Variants in TNNI3K observed in about 807,000 individuals in gnomAD.
TNNI3K encodes the protein serine/threonine-protein kinase TNNI3K.
Under a neutral mutation model 114.5 loss-of-function variants are expected in TNNI3K, and 140 were observed. The observed-to-expected ratio is 1.22, with a 90% CI of 1.07 to 1.41. The LOEUF (loss-of-function observed/expected upper bound fraction) is 1.41. Ranked by LOEUF, TNNI3K falls within the 40% of genes most tolerant of loss-of-function variation. TNNI3K has a pLI of 0.00. For synonymous variants in TNNI3K, 347 were observed against 347.5 expected (o/e 1.00, Z 0.02); for missense variants, 1,125 against 1,007.6 (o/e 1.12, Z -1.58).
At chr1:74,461,419 G>T (rs1015445124) in intron 20 of TNNI3K, among the ~76,000 whole-genome samples, 15 of 150,956 alleles carry the variant, frequency 9.9e-5, no homozygotes, top group Admixed American at 9.2e-4. Context: ...GGCAGAGGCT[G>T]CAGTGAGCCC....
intron 5 of TNNI3K, among the ~76,000 whole-genome samples, chr1:74,295,928 T>G (rs747915282): frequency 3.9e-5 from 6 of 152,164 alleles, no homozygotes; most frequent in Non-Finnish European, 7.4e-5. Flanking sequence ...AGTTAAGTAT[T>G]TTTACTGGTC....
intron 20 of TNNI3K, among the ~76,000 whole-genome samples, chr1:74,451,690 T>TTCTTTTCTTTTCTTTTCTTTTC (rs1553148016): frequency 5.1e-5 from 2 of 39,158 alleles, no homozygotes; most frequent in South Asian, 1.1e-3. Context: ...TTCTTTTCTT[T>TTCTTTTCTTTTCTTTTCTTTTC]CTTTCTTTCT....
At chr1:74,249,656 C>A in intron 3 of TNNI3K, 112 bp downstream of exon 3, 1 of 1,048,604 alleles carries the variant, frequency 9.5e-7, no homozygotes, top group Non-Finnish European at 1.3e-6. Context: ...ATTTTCCCTT[C>A]TGCTTTGCCT....
intron 23 of TNNI3K, among the ~76,000 whole-genome samples, chr1:74,532,229 C>A (rs573743354): frequency 3.9e-4 from 60 of 152,228 alleles, no homozygotes; most frequent in African/African-American, 1.4e-3. Flanking sequence ...AAGGTAACAG[C>A]AAGCAATTGT....
At chr1:74,452,343 A>G (rs274596) in intron 20 of TNNI3K, among the ~76,000 whole-genome samples, 15,050 of 152,182 alleles carry the variant, frequency 0.099, 972 homozygotes, top group African/African-American at 0.19. Flanking sequence ...AGTGTAATAC[A>G]AGGTCAAGGC....
intron 20 of TNNI3K, among the ~76,000 whole-genome samples, chr1:74,451,704 TTTCTTTC>T (rs1557575167): frequency 3.6e-3 from 264 of 72,524 alleles, no homozygotes; most frequent in Non-Finnish European, 5.7e-3. Context: ...TCTTTCTTTC[TTTCTTTC>T]TTTCTTTCTT....
At chr1:74,504,775 G>A in intron 23 of TNNI3K, among the ~76,000 whole-genome samples, 1 of 152,052 alleles carries the variant, frequency 6.6e-6, no homozygotes, top group East Asian at 1.9e-4. Context: ...TGGCTATTCT[G>A]ATGCTGTAAT....
intron 4 of TNNI3K, among the ~76,000 whole-genome samples, chr1:74,258,784 C>G (rs1655487832): frequency 6.6e-6 from 1 of 152,130 alleles, no homozygotes; most frequent in African/African-American, 2.4e-5. Context: ...CCTGTTCAAC[C>G]CTAATGGTTT....
At chr1:74,414,732 A>T (rs1665038388) in intron 17 of TNNI3K, among the ~76,000 whole-genome samples, 1 of 152,184 alleles carries the variant, frequency 6.6e-6, no homozygotes, top group Non-Finnish European at 1.5e-5. Context: ...AAATTCTGTC[A>T]ACTCTCTTGA....
intron 23 of TNNI3K, among the ~76,000 whole-genome samples, chr1:74,525,878 A>C (rs1317876564): frequency 6.6e-6 from 1 of 152,208 alleles, no homozygotes; most frequent in African/African-American, 2.4e-5. Flanking sequence ...AAGAACCCCC[A>C]CATTACTGGC....
At chr1:74,512,156 T>C (rs34250428) in intron 23 of TNNI3K, among the ~76,000 whole-genome samples, 41 of 152,312 alleles carry the variant, frequency 2.7e-4, no homozygotes, top group Non-Finnish European at 5.0e-4. Flanking sequence ...CCCTGGGGCA[T>C]GACTCGAACC....
chr1:74,439,326 G>A (rs1666271354), intron 19 of TNNI3K, 164 bp from the exon 20 acceptor site: 1 of 1,101,498 alleles, frequency 9.1e-7, no homozygotes, highest in Non-Finnish European at 1.2e-6. Context: ...GTATAAACAT[G>A]TTTATTGCAC....
At chr1:74,464,767 G>T in intron 21 of TNNI3K, 2 of 1,552,096 alleles carry the variant, frequency 1.3e-6, no homozygotes, top group South Asian at 1.2e-5. Flanking sequence ...CATTCAACCT[G>T]ATGTGTTACA....
chr1:74,438,657 TC>T (rs1011583135), intron 19 of TNNI3K, among the ~76,000 whole-genome samples: 2 of 152,062 alleles, frequency 1.3e-5, no homozygotes, highest in African/African-American at 4.8e-5. Flanking sequence ...TAACTCTAAA[TC>T]CAGTGTTCTG....
At chr1:74,327,361 A>C (rs12140897) in intron 5 of TNNI3K, among the ~76,000 whole-genome samples, 1 of 148,846 alleles carries the variant, frequency 6.7e-6, no homozygotes, top group Admixed American at 6.7e-5. Context: ...TTTAAATCTT[A>C]GTTCTTTGAT....
intron 17 of TNNI3K, 68 bp downstream of exon 17, chr1:74,370,460 G>A (rs1473112581): frequency 7.1e-7 from 1 of 1,417,164 alleles, no homozygotes; most frequent in Admixed American, 1.9e-5. Context: ...AGATTTCAGT[G>A]AAGATACATT....
rs879250204 is a variant in TNNI3K at position 74,472,267 on chromosome 1, C to T, written c.2121+8717C>T. Reference sequence around the variant, plus strand: ...TTTTATTACCCCAACCAAACAGATGCGTAGAAACCTTATGAAAAGTATAAA... The same window carrying T: ...TTTTATTACCCCAACCAAACAGATGTGTAGAAACCTTATGAAAAGTATAAA... On this transcript the variant is annotated intron_variant, in intron 21 of 24. Transcript: ENST00000326637. 24 of 688,712 alleles carry T rather than the reference C, an allele frequency of 3.5e-5. No individual in the cohort carries two copies. The East Asian group carries it at 4.1e-4, about 12-fold the overall frequency. The allele number at this position is 688,712 out of a possible 1,614,324, so 42.7% of individuals were successfully genotyped here. A position where few individuals can be genotyped will look rare whatever the true frequency, so the allele number is the denominator to read the frequency against.
intron 20 of TNNI3K, among the ~76,000 whole-genome samples, chr1:74,449,735 G>C (rs1378231938): frequency 6.6e-6 from 1 of 151,236 alleles, no homozygotes; most frequent in Non-Finnish European, 1.5e-5. Context: ...CCCAATACAG[G>C]AGCACCCAAA....
At chr1:74,397,914 A>G (rs1304236711) in intron 17 of TNNI3K, among the ~76,000 whole-genome samples, 3 of 152,278 alleles carry the variant, frequency 2.0e-5, no homozygotes, top group Non-Finnish European at 2.9e-5. Context: ...CGCTATATAT[A>G]GTGATTCCAA....
Sources: allele counts gnomAD v4.1 joint callset (sites outside exome capture counted in the v4.1 genomes callset), GRCh38; gene constraint gnomAD v4.1.1; transcripts MANE v1.5; gene names NCBI Gene and HGNC (gene_info 2026-07-23, HGNC 2026-07-21).